The following ZDHHC9 variants were observed in gnomAD, a reference collection of about 807,000 sequenced individuals.
The protein encoded by ZDHHC9 is zDHHC palmitoyltransferase 9, also known as palmitoyltransferase ZDHHC9.
Under a neutral mutation model 26.6 loss-of-function variants are expected in ZDHHC9, and 3 were observed. That is an observed-to-expected ratio of 0.11 (90% CI 0.05 to 0.29). The LOEUF (loss-of-function observed/expected upper bound fraction) is 0.29. Ranked by LOEUF, ZDHHC9 falls within the 10% of genes least tolerant of loss-of-function variation. The pLI, the probability that ZDHHC9 is intolerant of heterozygous loss-of-function variation, is 1.00. For missense variants in ZDHHC9, 146 were observed against 296.4 expected (o/e 0.49, Z 3.73); for synonymous variants, 111 against 109.4 (o/e 1.01, Z -0.09).
At chrX:129,837,473 AAG>A (rs1369584902) in intron 3 of ZDHHC9, among the ~76,000 whole-genome samples, 1 of 112,718 alleles carries the variant, frequency 8.9e-6, no homozygotes, top group Non-Finnish European at 1.9e-5. Context: ...AAGAATTTGA[AAG>A]AGGGGTAGAA....
chrX:129,825,724 C>A (rs1463806084), intron 4 of ZDHHC9, among the ~76,000 whole-genome samples: 2 of 111,340 alleles, frequency 1.8e-5, no homozygotes, highest in African/African-American at 6.5e-5. Context: ...AAATTAATTT[C>A]TAAAACAGAA....
intron 5 of ZDHHC9, among the ~76,000 whole-genome samples, chrX:129,822,616 T>G (rs1927916417): frequency 9.0e-6 from 1 of 110,628 alleles, no homozygotes; most frequent in South Asian, 3.8e-4. Context: ...TAAAGTAAAA[T>G]AAAAAATAAT....
Position 129,806,506 on chromosome X carries a change from AG to A in ZDHHC9, c.979-21del, listed in dbSNP as rs748476511. 1.7e-6 allele frequency: 2 copies of A among 1,164,599 alleles called. No individual in the cohort carries two copies. Among genetic ancestry groups the A allele is most frequent in the African/African-American group, 3.6e-5 (2 of 56,052 alleles). Reference sequence around the variant, plus strand: ...GGGGGCCTGAGAAGGAAAAGATATGAGATTCAACACAAAGCTGTTCCTCAAA... The same window carrying A: ...GGGGGCCTGAGAAGGAAAAGATATGAATTCAACACAAAGCTGTTCCTCAAA... On this transcript the variant is annotated intron_variant, in intron 10 of 10. Coordinates refer to ENST00000357166, the MANE Select transcript of ZDHHC9 (RefSeq NM_016032.4).
intron 4 of ZDHHC9, among the ~76,000 whole-genome samples, 165 bp downstream of exon 4, chrX:129,828,816 A>G (rs775716274): frequency 3.6e-5 from 4 of 111,626 alleles, no homozygotes; most frequent in African/African-American, 6.5e-5. Context: ...CTGTTGCTAG[A>G]CCTGCATTAC....
intron 5 of ZDHHC9, among the ~76,000 whole-genome samples, chrX:129,822,688 A>G (rs945372502): frequency 2.7e-4 from 30 of 111,549 alleles, no homozygotes; most frequent in Admixed American, 2.2e-3. Flanking sequence ...GCTTTTTAGT[A>G]TACACGCTGC....
intron 10 of ZDHHC9, among the ~76,000 whole-genome samples, chrX:129,807,248 C>T (rs1311165425): frequency 9.4e-6 from 1 of 106,333 alleles, no homozygotes; most frequent in South Asian, 4.2e-4. Flanking sequence ...AGATCGAGAC[C>T]ATCCTGGCTA....
At chrX:129,842,701 T>C (rs1478274120) in intron 2 of ZDHHC9, among the ~76,000 whole-genome samples, 1 of 112,998 alleles carries the variant, frequency 8.8e-6, no homozygotes, top group Admixed American at 9.3e-5. Flanking sequence ...GTGCATTGTA[T>C]TTACACAAAA....
chrX:129,839,730 C>T (rs945976698), intron 3 of ZDHHC9, among the ~76,000 whole-genome samples: 2 of 111,165 alleles, frequency 1.8e-5, no homozygotes, highest in African/African-American at 3.3e-5. Context: ...CACACACACA[C>T]ATACACAAGC....
chrX:129,823,408 T>C (rs776982226), intron 5 of ZDHHC9: 1 of 363,105 alleles, frequency 2.8e-6, no homozygotes, highest in Non-Finnish European at 4.8e-6. Flanking sequence ...AAAATCTAAA[T>C]TTCAAAAATA....
At chrX:129,831,253 A>G (rs760273869) in intron 3 of ZDHHC9, among the ~76,000 whole-genome samples, 1 of 111,854 alleles carries the variant, frequency 8.9e-6, no homozygotes, top group Non-Finnish European at 1.9e-5. Flanking sequence ...TTACCACACT[A>G]ACAGCAAATA....
chrX:129,808,921 C>T (rs1927576615), intron 10 of ZDHHC9, among the ~76,000 whole-genome samples: 2 of 112,324 alleles, frequency 1.8e-5, no homozygotes, highest in South Asian at 7.3e-4. Flanking sequence ...TGAACAGACA[C>T]TTCTCCAATG....
chrX:129,819,634 T>A (rs1384137404), intron 5 of ZDHHC9, among the ~76,000 whole-genome samples: 1 of 111,702 alleles, frequency 9.0e-6, no homozygotes, highest in Non-Finnish European at 1.9e-5. Flanking sequence ...TATCTCCCAT[T>A]TTGTCATTTA....
chrX:129,810,093 G>GA (rs1927603397), intron 10 of ZDHHC9, among the ~76,000 whole-genome samples: 1 of 110,032 alleles, frequency 9.1e-6, no homozygotes, highest in African/African-American at 3.3e-5. Context: ...GCTCACGCCT[G>GA]TAATCCCAAC....
Position 129,811,437 on chromosome X carries a change from A to G in ZDHHC9, c.850T>C (p.Cys284Arg). The change falls in exon 9 of 11, where the codon TGT becomes CGT. Residue 284 changes from cysteine (C) to arginine (R), a missense_variant. Transcript: ENST00000357166. ...YSHGNIVKNC[C>R]EVLCGPLPPS... ...GGCAAGGGGCCACACAGCACTTCAC[A>G]GCAGTTCTTCACAATATTGCCATGG... 8.3e-7 allele frequency: 1 copy of G among 1,211,025 alleles called. No homozygotes were observed. Among genetic ancestry groups the G allele is most frequent in the Non-Finnish European group, 1.1e-6 (1 of 895,158 alleles).
In ZDHHC9 at chrX:129,841,763, C is replaced by G. The variant is rs1367488970; in HGVS notation, c.167+16G>C. 8 of 1,211,579 alleles carry G rather than the reference C, an allele frequency of 6.6e-6. No individual in the cohort carries two copies. Among genetic ancestry groups the G allele is most frequent in the Non-Finnish European group, 8.9e-6 (8 of 895,350 alleles). On this transcript the variant is annotated intron_variant, in intron 3 of 10. Transcript: ENST00000357166. ...AAGTAACCATAATCAGGTAACTCTA[C>G]TCAACCGAAACTCACTCAAAGGCGA...
At chrX:129,813,389 C>G (rs1030436228) in intron 7 of ZDHHC9, among the ~76,000 whole-genome samples, 4 of 111,634 alleles carry the variant, frequency 3.6e-5, no homozygotes, top group Non-Finnish European at 5.7e-5. Flanking sequence ...AAATGAAGAA[C>G]TGGTGGGGGA....
At chrX:129,832,405 T>C (rs1262292119) in intron 3 of ZDHHC9, among the ~76,000 whole-genome samples, 1 of 111,005 alleles carries the variant, frequency 9.0e-6, no homozygotes, top group Non-Finnish European at 1.9e-5. Context: ...CCCAGCACTT[T>C]GGGAGGTCAA....
At position 129,804,181 on chromosome X, in the gene ZDHHC9, T is replaced by TG. The variant is rs1927458520; in HGVS notation, c.*2188dup. ...AGCCATCTGAGCCCAGGAGAGGAGA[T>TG]GGGCTGAGTACTTATTAAAATGGGG... On this transcript the variant is annotated 3_prime_UTR_variant, in exon 11 of 11. Coordinates refer to ENST00000357166, the MANE Select transcript of ZDHHC9 (RefSeq NM_016032.4). 1 of 110,858 alleles carries TG rather than the reference T, an allele frequency of 9.0e-6. No individual in the cohort carries two copies. The highest frequency in any genetic ancestry group is 1.9e-5 in the Non-Finnish European group (1 of 52,959). 9.1% of individuals were successfully genotyped at this position (110,858 alleles called of 1,213,427 possible).
intron 5 of ZDHHC9, 103 bp from the exon 6 acceptor site, chrX:129,814,898 A>T: frequency 1.1e-6 from 1 of 880,956 alleles, no homozygotes; most frequent in Middle Eastern, 3.1e-4. Context: ...ATCATTGTCT[A>T]TTTCAGTTGT....
Sources: gnomAD v4.1 joint callset for allele counts (sites outside exome capture counted in the v4.1 genomes callset) on GRCh38, gnomAD v4.1.1 for gene constraint, MANE v1.5 for transcripts, NCBI Gene and HGNC (gene_info 2026-07-23, HGNC 2026-07-21) for gene names.